BTBD8: variants seen among roughly 807,000 people sequenced by gnomAD.
BTBD8 encodes BTB/POZ domain-containing protein 8.
Under a neutral mutation model 162.9 loss-of-function variants are expected in BTBD8, and 110 were observed. The ratio of observed to expected loss-of-function variants is 0.68; its 90% confidence interval spans 0.58 to 0.79. BTBD8 has a LOEUF of 0.79. Ranked by LOEUF, BTBD8 falls within the 30% of genes least tolerant of loss-of-function variation. The pLI, the probability that BTBD8 is intolerant of heterozygous loss-of-function variation, is 0.00. For synonymous variants in BTBD8, 667 were observed against 716.1 expected (o/e 0.93, Z 1.10); for missense variants, 1,905 against 2,085.4 (o/e 0.91, Z 1.68).
intron 13 of BTBD8, among the ~76,000 whole-genome samples, chr1:92,175,012 T>A (rs1219689777): frequency 1.3e-5 from 2 of 152,222 alleles, no homozygotes; most frequent in African/African-American, 4.8e-5. Flanking sequence ...ATGCAATATA[T>A]GCCCAGCATT....
chr1:92,147,100 TGG>T (rs1649942881), intron 7 of BTBD8, 78 bp from the exon 8 acceptor site: 8 of 1,040,706 alleles, frequency 7.7e-6, no homozygotes, highest in Non-Finnish European at 9.7e-6. Context: ...GTATATAAAT[TGG>T]ATTATCTTTA....
rs1177316441 is a variant in BTBD8, at chr1:92,119,974, C to T, written c.663-9713C>T. The stretch of plus-strand genomic sequence containing the variant: ...GGAGTGCAATGGCGCTATCTTGGCT[C>T]GCTGCAACCTCTACCTCCTGGGTTC... On this transcript the variant is annotated intron_variant, in intron 4 of 17. Coordinates refer to ENST00000636805, the MANE Select transcript of BTBD8 (RefSeq NM_001376131.1). 2.7e-5 allele frequency among the ~76,000 whole-genome samples: 4 copies of T among 146,318 alleles called. No homozygotes were observed. The East Asian group carries it at 6.0e-4, about 22-fold the overall frequency.
intron 3 of BTBD8, among the ~76,000 whole-genome samples, chr1:92,107,238 AAG>A (rs1046344298): frequency 7.2e-5 from 11 of 152,164 alleles, no homozygotes; most frequent in African/African-American, 2.4e-4. Context: ...AAATTAGAAA[AAG>A]ATGCTCATAA....
intron 1 of BTBD8, among the ~76,000 whole-genome samples, chr1:92,085,368 G>C (rs1648130777): frequency 6.6e-6 from 1 of 152,216 alleles, no homozygotes; most frequent in African/African-American, 2.4e-5. Context: ...AAGGCGAGCA[G>C]ATCACTTGAG....
intron 2 of BTBD8, 75 bp from the exon 3 acceptor site, chr1:92,102,398 C>T: frequency 2.6e-6 from 3 of 1,140,546 alleles, no homozygotes; most frequent in Non-Finnish European, 3.5e-6. Context: ...AAGTAGCACA[C>T]TAAGGAAACT....
intron 4 of BTBD8, among the ~76,000 whole-genome samples, chr1:92,109,237 T>C (rs1648824443): frequency 6.6e-6 from 1 of 151,756 alleles, no homozygotes; most frequent in Non-Finnish European, 1.5e-5. Flanking sequence ...GGTGTGTGTC[T>C]CTCTGTCTTG....
chr1:92,099,672 C>G (rs762768540), intron 2 of BTBD8, among the ~76,000 whole-genome samples: 1 of 151,938 alleles, frequency 6.6e-6, no homozygotes, highest in Non-Finnish European at 1.5e-5. Context: ...TTTCTAATTT[C>G]ATTTTTGGTT....
chr1:92,082,671 G>A (rs1482775230), intron 1 of BTBD8, among the ~76,000 whole-genome samples: 1 of 152,178 alleles, frequency 6.6e-6, no homozygotes, highest in Non-Finnish European at 1.5e-5. Context: ...GTAAGGAACA[G>A]AGACACTCCT....
chr1:92,160,277 C>G (rs766683403), intron 9 of BTBD8, among the ~76,000 whole-genome samples: 18 of 152,022 alleles, frequency 1.2e-4, no homozygotes, highest in Non-Finnish European at 2.2e-4. Flanking sequence ...CATTACTTTC[C>G]TGACCTTGGT....
Position 92,181,284 on chromosome 1 carries a change from T to G in BTBD8, c.3601T>G (p.Cys1201Gly), listed in dbSNP as rs1477685169. ...AGCAGACTCAGATGTATCTTCCAAGTGTTTTTCGGGACAGCTATCAGAAAA... is the reference window on the plus strand; with the variant it reads ...AGCAGACTCAGATGTATCTTCCAAGGGTTTTTCGGGACAGCTATCAGAAAA... ...ATADSDVSSK[C>G]FSGQLSEKNS... Residue 1201 changes from cysteine (C) to glycine (G), a missense_variant, in exon 17 of 18, where the codon TGT becomes GGT. Around this residue, in one of 3 missense-constraint regions of BTBD8, gnomAD observed 1,374 missense variants for 1,442.7 expected, o/e 0.95. Coordinates refer to ENST00000636805, the MANE Select transcript of BTBD8 (RefSeq NM_001376131.1). 2 of 1,551,646 alleles carry G rather than the reference T, an allele frequency of 1.3e-6. No homozygotes were observed. The highest frequency in any genetic ancestry group is 1.7e-6 in the Non-Finnish European group (2 of 1,146,982).
intron 13 of BTBD8, among the ~76,000 whole-genome samples, chr1:92,175,705 A>G (rs1650694479): frequency 1.3e-5 from 2 of 150,908 alleles, no homozygotes; most frequent in South Asian, 2.1e-4. Context: ...CTGAGGCAGG[A>G]GATTGCTTGA....
intron 3 of BTBD8, among the ~76,000 whole-genome samples, chr1:92,104,613 T>G (rs2101904699): frequency 6.6e-6 from 1 of 152,324 alleles, no homozygotes; most frequent in Middle Eastern, 3.4e-3. Context: ...TGAAAAGAGC[T>G]TCTGCCTTTC....
intron 4 of BTBD8, among the ~76,000 whole-genome samples, chr1:92,120,955 G>T (rs1235754854): frequency 6.6e-6 from 1 of 152,124 alleles, no homozygotes; most frequent in Admixed American, 6.5e-5. Flanking sequence ...TAGAGACAGG[G>T]TTTTGCCACA....
intron 4 of BTBD8, among the ~76,000 whole-genome samples, chr1:92,117,366 G>A (rs544482240): frequency 1.3e-5 from 2 of 150,528 alleles, no homozygotes; most frequent in African/African-American, 4.9e-5. Flanking sequence ...TTTTTTTTTA[G>A]CAGGCATTTA....
Position 92,129,718 on chromosome 1 carries a change from GC to G in BTBD8, c.695del (p.Ala232ValfsTer4). ...AILSARSSYF[A>X]AMLSGCWAES... The stretch of plus-strand genomic sequence containing the variant: ...TTTGAGTGCCAGATCTAGTTATTTT[GC>G]TGCAATGCTGAGTGGCTGTTGGGCT... On this transcript the variant is annotated frameshift_variant, in exon 5 of 18. Transcript: ENST00000636805. LOFTEE classifies it high-confidence loss of function. 6.2e-7 allele frequency: 1 copy of G among 1,613,984 alleles called. No individual in the cohort carries two copies. Among genetic ancestry groups the G allele is most frequent in the South Asian group, 1.1e-5 (1 of 91,066 alleles).
intron 12 of BTBD8, 102 bp from the exon 13 acceptor site, chr1:92,171,297 C>T (rs1650536609): frequency 1.0e-5 from 8 of 800,680 alleles, no homozygotes; most frequent in South Asian, 2.1e-5. Context: ...AAGTTATTTC[C>T]ATCAAAATAT....
rs867772224 is a variant in BTBD8, at chr1:92,101,026, C to G, written c.348-1447C>G. On this transcript the variant is annotated intron_variant, in intron 2 of 17. Coordinates refer to ENST00000636805, the MANE Select transcript of BTBD8 (RefSeq NM_001376131.1). The stretch of plus-strand genomic sequence containing the variant: ...TCTGAGATTTTGGTAGACCCATCAC[C>G]GGAGCAGTATACAGTGTATCCAATT... 4.6e-5 allele frequency among the ~76,000 whole-genome samples: 7 copies of G among 152,192 alleles called. No homozygotes were observed. The South Asian group carries it at 1.5e-3, about 32-fold the overall frequency.
At chr1:92,154,893 A>G (rs1043071630) in intron 9 of BTBD8, among the ~76,000 whole-genome samples, 3 of 152,206 alleles carry the variant, frequency 2.0e-5, no homozygotes, top group Admixed American at 1.3e-4. Context: ...TTAGAGTTTC[A>G]GGTCTTAGGT....
At chr1:92,182,941 T>A (rs1227184612) in intron 17 of BTBD8, among the ~76,000 whole-genome samples, 1 of 152,052 alleles carries the variant, frequency 6.6e-6, no homozygotes, top group East Asian at 1.9e-4. Context: ...GAAATTTTAT[T>A]ATACATTGGA....
Sources: allele counts gnomAD v4.1 joint callset (sites outside exome capture counted in the v4.1 genomes callset), GRCh38; gene constraint gnomAD v4.1.1; regional missense constraint gnomAD v4.1.1; transcripts MANE v1.5; gene names NCBI Gene and HGNC (gene_info 2026-07-23, HGNC 2026-07-21).